FMN2: variants seen among roughly 807,000 people sequenced by gnomAD.
FMN2 encodes formin-2.
FMN2 carries 51 observed loss-of-function variants against 142.3 expected under a neutral mutation model. The ratio of observed to expected loss-of-function variants is 0.36; its 90% CI spans 0.29 to 0.45. The LOEUF (loss-of-function observed/expected upper bound fraction) is 0.45, where lower values mean the gene tolerates loss of function less well. FMN2 is among the 20% of genes least tolerant of loss of function. The probability of loss-of-function intolerance (pLI) is 1.00; values close to 1 mark genes in which losing one functional copy is unlikely to be tolerated. For missense variants in FMN2, 1,936 were observed against 2,122.8 expected (o/e 0.91, Z 1.73); for synonymous variants, 882 against 869.8 (o/e 1.01, Z -0.25).
chr1:240,366,415 GT>G (rs1253291157), intron 14 of FMN2, among the ~76,000 whole-genome samples: 1 of 151,870 alleles, frequency 6.6e-6, no homozygotes, highest in Non-Finnish European at 1.5e-5. Context: ...CTGCAACTTA[GT>G]TTTTTCTCCA....
At chr1:240,145,684 AT>A (rs918737125) in intron 2 of FMN2, among the ~76,000 whole-genome samples, 1 of 151,014 alleles carries the variant, frequency 6.6e-6, no homozygotes, top group East Asian at 2.0e-4. Context: ...TAATTTTTAT[AT>A]TTTTTGTAGA....
intron 15 of FMN2, among the ~76,000 whole-genome samples, chr1:240,409,299 G>A (rs191655107): frequency 3.3e-5 from 5 of 152,032 alleles, no homozygotes; most frequent in East Asian, 1.9e-4. Context: ...ACACCACCAC[G>A]CCCAGTTAAT....
intron 8 of FMN2, among the ~76,000 whole-genome samples, chr1:240,308,573 G>A (rs1024549123): frequency 5.9e-5 from 9 of 152,156 alleles, no homozygotes; most frequent in African/African-American, 1.9e-4. Context: ...AAGAACCCAC[G>A]ACTGTATTCT....
At chr1:240,236,157 A>G (rs1266547339) in intron 6 of FMN2, among the ~76,000 whole-genome samples, 1 of 152,086 alleles carries the variant, frequency 6.6e-6, no homozygotes, top group Non-Finnish European at 1.5e-5. Flanking sequence ...GCTGATCATT[A>G]TGGCGTTTTT....
chr1:240,405,785 TAAG>T (rs1040529525), intron 15 of FMN2, among the ~76,000 whole-genome samples: 11 of 152,166 alleles, frequency 7.2e-5, no homozygotes, highest in Admixed American at 7.2e-4. Context: ...AATTTTTTTC[TAAG>T]GAGAATGAAA....
At chr1:240,180,781 GCT>G in intron 3 of FMN2, among the ~76,000 whole-genome samples, 1 of 151,888 alleles carries the variant, frequency 6.6e-6, no homozygotes. Context: ...TAGCTAAGCT[GCT>G]CTCGAATTCC....
chr1:240,192,516 CA>C (rs1299370730), intron 4 of FMN2, among the ~76,000 whole-genome samples: 1 of 152,112 alleles, frequency 6.6e-6, no homozygotes, highest in African/African-American at 2.4e-5. Flanking sequence ...TGGAAACCAA[CA>C]AAACAATAAC....
intron 1 of FMN2, among the ~76,000 whole-genome samples, chr1:240,117,250 C>G (rs1409107441): frequency 6.6e-6 from 1 of 152,164 alleles, no homozygotes; most frequent in East Asian, 1.9e-4. Context: ...ATCATCTCAT[C>G]ATTGGGAAGA....
intron 15 of FMN2, among the ~76,000 whole-genome samples, chr1:240,434,728 ATTT>A (rs34969961): frequency 7.6e-5 from 10 of 130,752 alleles, no homozygotes; most frequent in Admixed American, 1.5e-4. Context: ...CACCCTGCTA[ATTT>A]TTTTTTTTTT....
chr1:240,328,834 G>C (rs570251655), intron 8 of FMN2, among the ~76,000 whole-genome samples: 1 of 151,972 alleles, frequency 6.6e-6, no homozygotes, highest in Non-Finnish European at 1.5e-5. Flanking sequence ...CAGGTGATCC[G>C]CCCGCCTTGG....
chr1:240,214,010 A>G (rs1666791344), intron 6 of FMN2, among the ~76,000 whole-genome samples: 1 of 152,222 alleles, frequency 6.6e-6, no homozygotes, highest in South Asian at 2.1e-4. Context: ...TTTTTTCTCC[A>G]AAGAGCTTAA....
At chr1:240,363,703 T>G (rs1190616355) in intron 14 of FMN2, among the ~76,000 whole-genome samples, 8 of 151,880 alleles carry the variant, frequency 5.3e-5, no homozygotes, top group African/African-American at 9.7e-5. Flanking sequence ...CTCAAGGTCC[T>G]GCCAGCTCTA....
intron 2 of FMN2, 84 bp from the exon 3 acceptor site, chr1:240,177,837 A>T: frequency 8.3e-7 from 1 of 1,203,508 alleles, no homozygotes; most frequent in Admixed American, 3.3e-5. Context: ...TTTACATAGA[A>T]ATGATTTTGC....
intron 5 of FMN2, 140 bp downstream of exon 5, chr1:240,208,872 A>G (rs1666564081): frequency 9.1e-7 from 1 of 1,092,956 alleles, no homozygotes; most frequent in Admixed American, 2.7e-5. Context: ...ATCAATATAT[A>G]GTGCAGCAGT....
intron 8 of FMN2, 29 bp downstream of exon 8, chr1:240,294,912 A>G: frequency 1.3e-6 from 2 of 1,574,452 alleles, no homozygotes; most frequent in South Asian, 1.1e-5. Flanking sequence ...TTTATGTGTG[A>G]GTATATAATA....
intron 11 of FMN2, among the ~76,000 whole-genome samples, chr1:240,333,503 A>G (rs1364398513): frequency 1.3e-5 from 2 of 152,200 alleles, no homozygotes; most frequent in Admixed American, 6.5e-5. Context: ...GTCCAGCTAT[A>G]TATCAATGCT....
chr1:240,283,974 C>A (rs1023340256), intron 7 of FMN2, among the ~76,000 whole-genome samples: 21 of 152,120 alleles, frequency 1.4e-4, no homozygotes, highest in Admixed American at 3.9e-4. Flanking sequence ...CTTCTTGTTG[C>A]TTTCCTCTTT....
rs373139353 is a variant in FMN2, at chr1:240,429,897, T to A, written c.4911-8164T>A. ...TTGTTTTTTTTTGTTTTTTTTTTGT[T>A]TTTTTTGAGGCAGAGTCTCGCTCTG... is the stretch of plus-strand genomic sequence containing the variant. On this transcript the variant is annotated intron_variant, in intron 15 of 17. Coordinates refer to ENST00000319653, the MANE Select transcript of FMN2 (RefSeq NM_020066.5). Among the ~76,000 whole-genome samples the A allele has an allele frequency of 1.1e-4, 16 of 145,924 alleles. No individual in the cohort carries two copies. In the East Asian group the frequency reaches 2.9e-3, roughly 26 times the overall value.
At chr1:240,436,108 G>A (rs900267345) in intron 15 of FMN2, among the ~76,000 whole-genome samples, 2 of 152,020 alleles carry the variant, frequency 1.3e-5, no homozygotes, top group East Asian at 1.9e-4. Flanking sequence ...TCTACTCTCC[G>A]GGCAGTTCTG....
Sources: gnomAD v4.1 joint callset for allele counts (sites outside exome capture counted in the v4.1 genomes callset) on GRCh38, gnomAD v4.1.1 for gene constraint, MANE v1.5 for transcripts, NCBI Gene and HGNC (gene_info 2026-07-23, HGNC 2026-07-21) for gene names.